Variants in LRRN2 observed in about 807,000 individuals in gnomAD.
The protein encoded by LRRN2 is leucine rich repeat neuronal 2.
Under a neutral mutation model 35.7 loss-of-function variants are expected in LRRN2, and 10 were observed. The observed-to-expected ratio is 0.28, with a 90% CI of 0.17 to 0.47. The LOEUF (loss-of-function observed/expected upper bound fraction) is 0.47, where lower values mean the gene tolerates loss of function less well. Among genes scored for constraint, LRRN2 ranks in the 20% least tolerant of loss-of-function variants. LRRN2 has a pLI of 0.99. For missense variants in LRRN2, 731 were observed against 940.3 expected (o/e 0.78, Z 2.91); for synonymous variants, 391 against 409.6 (o/e 0.95, Z 0.55).
rs77059260 is a variant in LRRN2 at position 204,654,942 on chromosome 1, A to G, written c.-227+30378T>C. 4.6e-3 allele frequency among the ~76,000 whole-genome samples: 698 copies of G among 152,340 alleles called. 1 individual carries two copies. Among genetic ancestry groups the G allele is most frequent in the South Asian group, 0.017 (83 of 4,826 alleles). On this transcript the variant is annotated intron_variant, in intron 1 of 1. Transcript: ENST00000367177. ...ACAACACCCCTGCCATGAACCCAAAATGTTCCTCTCAAGTAGGCCCCAGGA... is the reference window on the plus strand; with the variant it reads ...ACAACACCCCTGCCATGAACCCAAAGTGTTCCTCTCAAGTAGGCCCCAGGA...
At chr1:204,659,609 G>GGT (rs113175099) in intron 1 of LRRN2, among the ~76,000 whole-genome samples, 5,976 of 147,986 alleles carry the variant, frequency 0.04, 226 homozygotes, top group African/African-American at 0.1. Context: ...TCTACCTTCA[G>GGT]GTGTGTGTGT....
At chr1:204,626,699 C>T (rs1667397395) in intron 1 of LRRN2, 1 of 152,140 alleles carries the variant, frequency 6.6e-6, no homozygotes, top group African/African-American at 2.4e-5. Flanking sequence ...ATTTTTGTGT[C>T]CCTAGAGCCT....
chr1:204,626,949 C>G (rs1667426609), intron 1 of LRRN2: 2 of 137,610 alleles, frequency 1.5e-5, no homozygotes, highest in South Asian at 4.7e-4. Context: ...TTTCTTTTTT[C>G]TTTTTCTTTT....
At chr1:204,664,479 C>T (rs565029216) in intron 1 of LRRN2, 8 of 152,346 alleles carry the variant, frequency 5.3e-5, no homozygotes, top group South Asian at 2.1e-4. Flanking sequence ...CTGCGCAGCT[C>T]GTTCATTCTC....
intron 1 of LRRN2, among the ~76,000 whole-genome samples, chr1:204,637,645 C>CACGT (rs1420915265): frequency 3.1e-5 from 4 of 129,950 alleles, no homozygotes; most frequent in Non-Finnish European, 6.5e-5. Context: ...CAGCACGTGA[C>CACGT]GTGTGTGTGT....
rs1162626713 is a variant in LRRN2, at chr1:204,631,256, C to CTATATATATATATATATA, written c.-226-11056_-226-11039dup. ...CAAGAAGAGTGATACCTAGAGTGTT[C>CTATATATATATATATATA]TATATATATATATATATATATATAT... On this transcript the variant is annotated intron_variant, in intron 1 of 1. Transcript: ENST00000367177. Among the ~76,000 whole-genome samples, 11 of 36,914 alleles carry CTATATATATATATATATA rather than the reference C, an allele frequency of 3.0e-4. 1 individual carries two copies. The highest frequency in any genetic ancestry group is 4.8e-4 in the African/African-American group (5 of 10,428). The allele number at this position is 36,914 out of a possible 152,430, so 24.2% of individuals were successfully genotyped here.
intron 1 of LRRN2, among the ~76,000 whole-genome samples, chr1:204,671,141 G>C (rs962115810): frequency 2.0e-5 from 3 of 152,152 alleles, no homozygotes; most frequent in African/African-American, 7.2e-5. Flanking sequence ...GACTGGCCCA[G>C]AGGCAGGTAG....
At chr1:204,648,986 G>C (rs759753916) in intron 1 of LRRN2, among the ~76,000 whole-genome samples, 2 of 152,222 alleles carry the variant, frequency 1.3e-5, no homozygotes, top group African/African-American at 2.4e-5. Flanking sequence ...GGTCAGGCCA[G>C]AGTCATCAGA....
intron 1 of LRRN2, among the ~76,000 whole-genome samples, chr1:204,671,675 A>C (rs10793714): frequency 0.67 from 74,569 of 111,408 alleles, 27,707 homozygotes; most frequent in Non-Finnish European, 0.8. Flanking sequence ...AAAAAAGCAA[A>C]GGTGCCAATG....
chr1:204,659,612 G>A (rs1202715020), intron 1 of LRRN2, among the ~76,000 whole-genome samples: 1 of 29,794 alleles, frequency 3.4e-5, no homozygotes, highest in African/African-American at 1.0e-4. Flanking sequence ...ACCTTCAGGT[G>A]TGTGTGTGTG....
chr1:204,623,689 A>C (rs1667092994), intron 1 of LRRN2, among the ~76,000 whole-genome samples: 1 of 152,218 alleles, frequency 6.6e-6, no homozygotes, highest in Non-Finnish European at 1.5e-5. Flanking sequence ...ATTGTCTTTC[A>C]TCTGTAATCT....
chr1:204,618,301 G>C lies in LRRN2; in HGVS notation c.1692C>G (p.Leu564=). The C allele has an allele frequency of 6.3e-7, 1 of 1,597,910 alleles. No homozygotes were observed. Among genetic ancestry groups the C allele is most frequent in the Non-Finnish European group, 8.5e-7 (1 of 1,171,488 alleles). The part of the protein sequence containing the change: ...TNLTWSSASS[L]RGQGATALAR... ...CCAGAGCTGTGGCCCCCTGGCCCCG[G>C]AGGGAGGAGGCACTGGACCAGGTGA... is the stretch of plus-strand genomic sequence containing the variant. The change falls in exon 2 of 2, where the codon CTC becomes CTG. Residue 564 remains leucine (L), a synonymous_variant. Coordinates refer to ENST00000367177, the MANE Select transcript of LRRN2 (RefSeq NM_201630.2).
chr1:204,630,366 G>C (rs2102592024), intron 1 of LRRN2, among the ~76,000 whole-genome samples: 1 of 152,274 alleles, frequency 6.6e-6, no homozygotes, highest in East Asian at 1.9e-4. Context: ...GAGGAGACAG[G>C]GAGGCAGAGA....
chr1:204,674,737 A>C (rs1181453519), intron 1 of LRRN2, among the ~76,000 whole-genome samples: 1 of 152,122 alleles, frequency 6.6e-6, no homozygotes, highest in Non-Finnish European at 1.5e-5. Context: ...GAGAAAGCCC[A>C]CCTGGTGACC....
chr1:204,652,276 C>A (rs112803502), intron 1 of LRRN2, among the ~76,000 whole-genome samples: 1 of 138,158 alleles, frequency 7.2e-6, no homozygotes, highest in African/African-American at 2.7e-5. Context: ...CCCCCGCCCC[C>A]CCGCCGCCTT....
In LRRN2 at chr1:204,619,645, C is replaced by T. The variant is rs1040845349; in HGVS notation, c.348G>A (p.Leu116=). ...CTAGGTGCAGGCTCAGCAGCTGGGG[C>T]AGGGCATGGAAATCACAGTCTCGGG... ...SDARDCDFHA[L]PQLLSLHLEE... is the part of the protein sequence containing the mutation. Residue 116 remains leucine, a synonymous_variant, in exon 2 of 2, where the codon CTG becomes CTA. Coordinates refer to ENST00000367177, the MANE Select transcript of LRRN2 (RefSeq NM_201630.2). The T allele has an allele frequency of 1.9e-5, 31 of 1,614,100 alleles. No individual in the cohort carries two copies. Among genetic ancestry groups the T allele is most frequent in the Non-Finnish European group, 2.6e-5 (31 of 1,180,050 alleles).
At chr1:204,683,630 A>G (rs762890779) in intron 1 of LRRN2, among the ~76,000 whole-genome samples, 4 of 151,970 alleles carry the variant, frequency 2.6e-5, no homozygotes, top group Non-Finnish European at 5.9e-5. Flanking sequence ...TGCATTAGGG[A>G]GAGGGTGTGG....
rs35192809 is a variant in LRRN2 at position 204,671,642 on chromosome 1, TAAAAAAAAAAAAAA to T, written c.-227+13664_-227+13677del. Among the ~76,000 whole-genome samples the T allele has an allele frequency of 2.2e-3, 67 of 30,254 alleles. 1 individual carries two copies. In the East Asian group the frequency reaches 0.039, roughly 17 times the overall value. The allele number at this position is 30,254 out of a possible 152,430, so 19.8% of individuals were successfully genotyped here. On this transcript the variant is annotated intron_variant, in intron 1 of 1. Coordinates refer to ENST00000367177, the MANE Select transcript of LRRN2 (RefSeq NM_201630.2). The stretch of plus-strand genomic sequence containing the variant: ...GAAGGCAGAGGAAGGTAATTGATGG[TAAAAAAAAAAAAAA>T]AAAAAAAAAAAAAAGCAAAGGTGCC...
intron 1 of LRRN2, among the ~76,000 whole-genome samples, chr1:204,633,650 C>T (rs1667762642): frequency 6.6e-6 from 1 of 152,294 alleles, no homozygotes; most frequent in South Asian, 2.1e-4. Context: ...AGGTACCAAG[C>T]CCAGAACATT....
Sources: gnomAD v4.1 joint callset for allele counts (sites outside exome capture counted in the v4.1 genomes callset) on GRCh38, gnomAD v4.1.1 for gene constraint, MANE v1.5 for transcripts, NCBI Gene and HGNC (gene_info 2026-07-23, HGNC 2026-07-21) for gene names.